CCDC66: variants seen among roughly 807,000 people sequenced by gnomAD.
CCDC66 encodes coiled-coil domain containing 66.
Under a neutral mutation model 128.3 loss-of-function variants are expected in CCDC66, and 133 were observed. The observed-to-expected ratio is 1.04, with a 90% CI of 0.90 to 1.20. CCDC66 has a LOEUF of 1.20. Among genes scored for constraint, CCDC66 ranks in the 50% most tolerant of loss-of-function variants. CCDC66 has a pLI of 0.00. For synonymous variants in CCDC66, 387 were observed against 357.0 expected, an observed-to-expected ratio of 1.08 and a Z score of -0.95; for missense variants, 1,126 against 1,075.5, an observed-to-expected ratio of 1.05 and a Z score of -0.66.
intron 10 of CCDC66, among the ~76,000 whole-genome samples, chr3:56,612,166 C>G (rs138330947): frequency 2.0e-5 from 3 of 152,338 alleles, no homozygotes; most frequent in African/African-American, 4.8e-5. Context: ...GTATAACGAT[C>G]ACTTCTTCCG....
At chr3:56,567,119 C>A in intron 6 of CCDC66, 66 bp downstream of exon 6, 1 of 1,229,734 alleles carries the variant, frequency 8.1e-7, no homozygotes, top group South Asian at 1.2e-5. Context: ...AAGCCGGGCA[C>A]GGTGGCTCAC....
At chr3:56,582,410 A>G (rs1041619541) in intron 7 of CCDC66, among the ~76,000 whole-genome samples, 6 of 151,818 alleles carry the variant, frequency 4.0e-5, no homozygotes, top group Admixed American at 6.6e-5. Flanking sequence ...CCACTGTCTG[A>G]CAATCCCCAG....
chr3:56,603,990 T>C (rs1286651001), intron 10 of CCDC66, among the ~76,000 whole-genome samples: 1 of 152,122 alleles, frequency 6.6e-6, no homozygotes, highest in East Asian at 1.9e-4. Context: ...TACATATATA[T>C]TTAGGATAGT....
chr3:56,621,551 A>G lies in CCDC66; in HGVS notation c.2780A>G (p.Lys927Arg). Residue 927 changes from lysine to arginine, a missense_variant, in exon 18 of 18, where the codon AAG becomes AGG. Transcript: ENST00000394672. ...ELRQGLLQKQ[K>R]ELESSLLPLA... The stretch of plus-strand genomic sequence containing the variant: ...TTTCAGGGCCTTCTCCAGAAGCAAA[A>G]GGAGTTGGAAAGTAGTCTCCTGCCT... 6.3e-7 allele frequency: 1 copy of G among 1,596,964 alleles called. No individual in the cohort carries two copies. The highest frequency in any genetic ancestry group is 1.1e-5 in the South Asian group (1 of 87,760).
Position 56,593,473 on chromosome 3 carries a change from CTTAT to C in CCDC66, c.1069-15_1069-12del. 1 of 1,605,050 alleles carries C rather than the reference CTTAT, an allele frequency of 6.2e-7. No homozygotes were observed. Among genetic ancestry groups the C allele is most frequent in the Non-Finnish European group, 8.5e-7 (1 of 1,174,262 alleles). ...ATAATTGGAAAAATTCTTAGCAATT[CTTAT>C]TTGTCATCATTAGGGTGAGGAACAT... On this transcript the variant is annotated splice_polypyrimidine_tract_variant and intron_variant, in intron 8 of 17. Coordinates refer to ENST00000394672, the MANE Select transcript of CCDC66 (RefSeq NM_001141947.3).
Position 56,597,777 on chromosome 3 carries a change from G to GTTTTTTTTT in CCDC66, c.1404+3756_1404+3764dup, listed in dbSNP as rs3064563. ...TGTGGAGTCTAGGTTTTGTTTTGGG[G>GTTTTTTTTT]TTTTTTTTTTTTTTTGAGACAGAGC... On this transcript the variant is annotated intron_variant, in intron 10 of 17. Coordinates refer to ENST00000394672, the MANE Select transcript of CCDC66 (RefSeq NM_001141947.3). Among the ~76,000 whole-genome samples, 32 of 87,954 alleles carry GTTTTTTTTT rather than the reference G, an allele frequency of 3.6e-4. 5 individuals are homozygous for GTTTTTTTTT. Among genetic ancestry groups the GTTTTTTTTT allele is most frequent in the East Asian group, 1.7e-3 (4 of 2,328 alleles). The allele number at this position is 87,954 out of a possible 152,430, so 57.7% of individuals were successfully genotyped here. A position where few individuals can be genotyped will look rare whatever the true frequency, so the allele number is the denominator to read the frequency against.
At chr3:56,617,708 A>G (rs2075694718) in intron 14 of CCDC66, 103 bp downstream of exon 14, 15 of 1,414,694 alleles carry the variant, frequency 1.1e-5, no homozygotes, top group Non-Finnish European at 1.3e-5. Context: ...GTTTCAGTTT[A>G]CATTAGGGAT....
intron 7 of CCDC66, among the ~76,000 whole-genome samples, chr3:56,571,691 T>G (rs2066638983): frequency 6.6e-6 from 1 of 152,144 alleles, no homozygotes; most frequent in Non-Finnish European, 1.5e-5. Context: ...TTAAAAAAAC[T>G]TGTCATATTT....
At chr3:56,597,792 T>TTTTTTTTG (rs2072348913) in intron 10 of CCDC66, among the ~76,000 whole-genome samples, 1 of 143,254 alleles carries the variant, frequency 7.0e-6, no homozygotes, top group Non-Finnish European at 1.5e-5. Flanking sequence ...TTTTTTTTTT[T>TTTTTTTTG]GAGACAGAGC....
Position 56,563,665 on chromosome 3 carries a change from G to C in CCDC66, c.103-19G>C, listed in dbSNP as rs71309962. On this transcript the variant is annotated intron_variant, in intron 3 of 17. Transcript: ENST00000394672. ...TTTCTTGGACAGTTATAAAGAATAA[G>C]CTTCTGGTGTTTTAACAGATGGGAA... 151,062 of 1,521,666 alleles carry C rather than the reference G, an allele frequency of 0.099. 8,166 individuals are homozygous for C. The highest frequency in any genetic ancestry group is 0.11 in the Middle Eastern group (645 of 5,788). 94.3% of individuals were successfully genotyped at this position (1,521,666 alleles called of 1,614,324 possible). A position where few individuals can be genotyped will look rare whatever the true frequency, so the allele number is the denominator to read the frequency against.
chr3:56,615,197 C>G lies in CCDC66; in HGVS notation c.1636C>G (p.Leu546Val). The change falls in exon 12 of 18, where the codon CTA (leucine) becomes GTA (valine). Residue 546 changes from leucine to valine, a missense_variant. Physicochemically the swap from Leu to Val is conservative, Grantham distance 32. Coordinates refer to ENST00000394672, the MANE Select transcript of CCDC66 (RefSeq NM_001141947.3). ...GCGAGCACAGGAACTGGCACAGAGA[C>G]TAAAACAAGAACAAAGAATCCGAGA... ...MQRAQELAQR[L>V]KQEQRIRELA... 6.2e-7 allele frequency: 1 copy of G among 1,613,894 alleles called. No individual in the cohort carries two copies. The highest frequency in any genetic ancestry group is 8.5e-7 in the Non-Finnish European group (1 of 1,179,930).
chr3:56,561,885 C>CT (rs758324894), intron 3 of CCDC66, among the ~76,000 whole-genome samples: 5 of 151,274 alleles, frequency 3.3e-5, no homozygotes, highest in East Asian at 1.9e-4. Flanking sequence ...CTACAGGTCT[C>CT]TTTTTTTTTC....
At chr3:56,616,371 C>A in intron 13 of CCDC66, 1 of 269,048 alleles carries the variant, frequency 3.7e-6, no homozygotes, top group Non-Finnish European at 7.0e-6. Context: ...AACATTCTGT[C>A]TCTGAATATT....
chr3:56,600,149 CTTTTT>C (rs33981043), intron 10 of CCDC66, among the ~76,000 whole-genome samples: 2 of 115,010 alleles, frequency 1.7e-5, no homozygotes, highest in Admixed American at 8.8e-5. Flanking sequence ...GTGCACTTAT[CTTTTT>C]TTTTTTTTTT....
chr3:56,579,771 A>T (rs1419873811), intron 7 of CCDC66, among the ~76,000 whole-genome samples: 36 of 151,812 alleles, frequency 2.4e-4, no homozygotes, highest in Non-Finnish European at 8.8e-5. Context: ...GTAGTCTGAG[A>T]GATAGTTTGT....
chr3:56,583,966 G>T (rs1216023917), intron 7 of CCDC66, among the ~76,000 whole-genome samples: 2 of 44,866 alleles, frequency 4.5e-5, no homozygotes, highest in Admixed American at 5.5e-4. Flanking sequence ...CTGGCCGGGC[G>T]GGGGCTGCCC....
chr3:56,586,741 A>C (rs2106821668), intron 7 of CCDC66, among the ~76,000 whole-genome samples: 1 of 151,842 alleles, frequency 6.6e-6, no homozygotes, highest in Non-Finnish European at 1.5e-5. Flanking sequence ...CTTACAATAA[A>C]ATTATACATT....
chr3:56,618,149 G>A, intron 14 of CCDC66, 23 bp from the exon 15 acceptor site: 1 of 1,588,382 alleles, frequency 6.3e-7, no homozygotes, highest in Middle Eastern at 1.7e-4. Flanking sequence ...ATTCCTTTCT[G>A]CATTTATCTA....
intron 4 of CCDC66, among the ~76,000 whole-genome samples, chr3:56,564,977 A>G (rs2065596114): frequency 6.6e-6 from 1 of 152,208 alleles, no homozygotes; most frequent in South Asian, 2.1e-4. Flanking sequence ...CATAACGAGA[A>G]ATCATATCAA....
Sources: allele counts gnomAD v4.1 joint callset (sites outside exome capture counted in the v4.1 genomes callset), GRCh38; gene constraint gnomAD v4.1.1; transcripts MANE v1.5; gene names NCBI Gene and HGNC (gene_info 2026-07-23, HGNC 2026-07-21).